SCN11A: variants seen among roughly 807,000 people sequenced by gnomAD.
SCN11A encodes sodium channel protein type 11 subunit alpha.
SCN11A carries 122 observed loss-of-function variants against 162.2 expected under a neutral mutation model. The observed-to-expected ratio is 0.75, with a 90% CI of 0.65 to 0.87. The LOEUF is 0.87. Among genes scored for constraint, SCN11A ranks in the 40% least tolerant of loss-of-function variants. The pLI, the probability that SCN11A is intolerant of heterozygous loss-of-function variation, is 0.00. For synonymous variants in SCN11A, 758 were observed against 751.5 expected, an observed-to-expected ratio of 1.01 and a Z score of -0.14; for missense variants, 2,015 against 2,181.6, an observed-to-expected ratio of 0.92 and a Z score of 1.52.
chr3:38,865,302 T>C (rs1477701442), intron 27 of SCN11A, among the ~76,000 whole-genome samples: 5 of 152,178 alleles, frequency 3.3e-5, no homozygotes, highest in Non-Finnish European at 5.9e-5. Context: ...TAATGTAAGC[T>C]TAAATCTAAA....
At chr3:38,965,007 G>A (rs527252339) in intron 2 of SCN11A, among the ~76,000 whole-genome samples, 1 of 152,332 alleles carries the variant, frequency 6.6e-6, no homozygotes, top group South Asian at 2.1e-4. Context: ...AGAGTGAACA[G>A]CCAAAGTGAA....
intron 4 of SCN11A, among the ~76,000 whole-genome samples, chr3:38,951,498 G>A (rs1559553255): frequency 6.6e-6 from 1 of 152,238 alleles, no homozygotes; most frequent in Non-Finnish European, 1.5e-5. Context: ...GCTCCACGGC[G>A]CCCAGTCCCA....
At chr3:38,989,435 C>T (rs1412738710) in intron 2 of SCN11A, among the ~76,000 whole-genome samples, 1 of 152,198 alleles carries the variant, frequency 6.6e-6, no homozygotes, top group Non-Finnish European at 1.5e-5. Flanking sequence ...TGTTATGCAA[C>T]AGTAGTAAGC....
chr3:38,881,275 C>G (rs767517918), intron 22 of SCN11A, among the ~76,000 whole-genome samples: 1 of 152,196 alleles, frequency 6.6e-6, no homozygotes, highest in Non-Finnish European at 1.5e-5. Context: ...ATTGTTCTAT[C>G]TATCTTGATC....
intron 13 of SCN11A, among the ~76,000 whole-genome samples, chr3:38,908,706 T>G (rs769358477): frequency 6.6e-6 from 1 of 152,172 alleles, no homozygotes; most frequent in Non-Finnish European, 1.5e-5. Flanking sequence ...ATACTTATGT[T>G]GTATCGTCTA....
At chr3:38,924,107 T>C (rs1421034874) in intron 9 of SCN11A, among the ~76,000 whole-genome samples, 1 of 152,152 alleles carries the variant, frequency 6.6e-6, no homozygotes, top group East Asian at 1.9e-4. Context: ...CTGTGCTCCC[T>C]GTAGCAGGAG....
At chr3:38,888,797 G>T (rs1424616687) in intron 19 of SCN11A, among the ~76,000 whole-genome samples, 1 of 152,124 alleles carries the variant, frequency 6.6e-6, no homozygotes, top group Non-Finnish European at 1.5e-5. Flanking sequence ...CTTAAGCCAT[G>T]ATCTGACCTC....
At chr3:39,019,332 C>T (rs1377033220) in intron 2 of SCN11A, among the ~76,000 whole-genome samples, 1 of 152,066 alleles carries the variant, frequency 6.6e-6, no homozygotes, top group Non-Finnish European at 1.5e-5. Context: ...ATTTCCCACA[C>T]CCTTTTGATT....
At chr3:38,854,692 A>G (rs1185805570) in intron 28 of SCN11A, among the ~76,000 whole-genome samples, 1 of 152,232 alleles carries the variant, frequency 6.6e-6, no homozygotes, top group Non-Finnish European at 1.5e-5. Flanking sequence ...GAGGGGGGAA[A>G]ACCTGCCTCC....
At chr3:39,006,729 G>A (rs921424490) in intron 2 of SCN11A, among the ~76,000 whole-genome samples, 5 of 152,010 alleles carry the variant, frequency 3.3e-5, no homozygotes, top group Non-Finnish European at 5.9e-5. Flanking sequence ...TTGAGCCCAG[G>A]GGTTCAAGTT....
chr3:38,929,095 T>C (rs886250921), intron 7 of SCN11A, among the ~76,000 whole-genome samples: 1 of 148,970 alleles, frequency 6.7e-6, no homozygotes, highest in African/African-American at 2.5e-5. Context: ...TTACATCTTT[T>C]TTATATTCCC....
Position 38,963,279 on chromosome 3 carries a change from A to G in SCN11A, c.-279-2856T>C, listed in dbSNP as rs1448373458. Among the ~76,000 whole-genome samples, 4 of 148,840 alleles carry G rather than the reference A, an allele frequency of 2.7e-5. No homozygotes were observed. In the East Asian group the frequency reaches 7.8e-4, roughly 29 times the overall value. On this transcript the variant is annotated intron_variant, in intron 2 of 29. Coordinates refer to ENST00000302328, the MANE Select transcript of SCN11A (RefSeq NM_001349253.2). ...CATGTTTGTAGTAGCACAATTCACA[A>G]CTGCAAAATCATGGAAACAACCTAA...
rs781726416 is a variant in SCN11A at position 38,847,247 on chromosome 3, T to C, written c.4823A>G (p.Asn1608Ser). 16 of 1,614,174 alleles carry C rather than the reference T, an allele frequency of 9.9e-6. No homozygotes were observed. Among genetic ancestry groups the C allele is most frequent in the Admixed American group, 5.0e-5 (3 of 60,028 alleles). The change falls in exon 30 of 30, where the codon AAT becomes AGT. Residue 1608 changes from asparagine to serine, a missense_variant. Asn to Ser is a conservative substitution (Grantham distance 46, BLOSUM62 1). Transcript: ENST00000302328. ...MYIAVILENF[N>S]TATEESEDPL... ...GTCCTCACTTTCTTCAGTGGCTGTATTGAAGTTCTCTAAAATCACAGCAAT... is the reference window on the plus strand; with the variant it reads ...GTCCTCACTTTCTTCAGTGGCTGTACTGAAGTTCTCTAAAATCACAGCAAT...
At chr3:38,990,388 G>T (rs565306865) in intron 2 of SCN11A, among the ~76,000 whole-genome samples, 10 of 152,106 alleles carry the variant, frequency 6.6e-5, no homozygotes, top group African/African-American at 1.9e-4. Flanking sequence ...CCTCTATGTG[G>T]GCACAAAGGA....
chr3:38,858,418 A>T (rs891774025), intron 28 of SCN11A, among the ~76,000 whole-genome samples: 1 of 152,176 alleles, frequency 6.6e-6, no homozygotes, highest in Non-Finnish European at 1.5e-5. Context: ...TAAAAAAGAC[A>T]AAGAGGGACA....
intron 3 of SCN11A, among the ~76,000 whole-genome samples, chr3:38,957,703 A>G (rs1246760195): frequency 6.6e-6 from 1 of 152,208 alleles, no homozygotes; most frequent in Non-Finnish European, 1.5e-5. Context: ...CAGAAAGCAA[A>G]CACTCACCTA....
intron 3 of SCN11A, among the ~76,000 whole-genome samples, chr3:38,955,117 C>T (rs1043914942): frequency 2.6e-5 from 4 of 152,118 alleles, no homozygotes; most frequent in African/African-American, 7.2e-5. Flanking sequence ...GGTGAAAACC[C>T]ATCTCTACTA....
chr3:38,867,291 T>C lies in SCN11A; in HGVS notation c.3951+30A>G. On this transcript the variant is annotated intron_variant, in intron 27 of 29. Transcript: ENST00000302328. ...ATGCATTTGGAGGACAGAGATAAAA[T>C]TACCAAATCAAGACAACCCAGATAC... is the stretch of plus-strand genomic sequence containing the variant. 2 of 1,598,728 alleles carry C rather than the reference T, an allele frequency of 1.3e-6. 1 individual carries two copies. Among genetic ancestry groups the C allele is most frequent in the Middle Eastern group, 3.3e-4 (2 of 6,014 alleles).
intron 15 of SCN11A, 53 bp downstream of exon 15, chr3:38,905,139 T>C (rs200214023): frequency 4.3e-5 from 70 of 1,610,914 alleles, no homozygotes; most frequent in Admixed American, 5.0e-5. Flanking sequence ...AGAAGAAGAA[T>C]GGAAGGACAT....
Sources: allele counts gnomAD v4.1 joint callset (sites outside exome capture counted in the v4.1 genomes callset), GRCh38; gene constraint gnomAD v4.1.1; transcripts MANE v1.5; gene names NCBI Gene and HGNC (gene_info 2026-07-23, HGNC 2026-07-21).